Variants in FKBP5 observed in about 807,000 individuals in gnomAD.
FKBP5 encodes the protein peptidyl-prolyl cis-trans isomerase FKBP5.
FKBP5 carries 23 observed loss-of-function variants against 50.5 expected under a neutral mutation model. That is an observed-to-expected ratio of 0.46 (90% CI 0.33 to 0.65). The LOEUF is 0.65. Ranked by LOEUF, FKBP5 falls within the 30% of genes least tolerant of loss-of-function variation. FKBP5 has a pLI of 0.02. For missense variants in FKBP5, 411 were observed against 553.1 expected (o/e 0.74, Z 2.58); for synonymous variants, 176 against 190.6 (o/e 0.92, Z 0.63).
At chr6:35,705,213 AATATATATATAT>A (rs869253345) in intron 2 of FKBP5, among the ~76,000 whole-genome samples, 2,324 of 70,932 alleles carry the variant, frequency 0.033, 36 homozygotes, top group Non-Finnish European at 0.047. Flanking sequence ...TATATGTACA[AATATATATATAT>A]ATATATATAT....
intron 8 of FKBP5, chr6:35,585,711 G>C: frequency 3.1e-6 from 3 of 960,476 alleles, no homozygotes; most frequent in Non-Finnish European, 3.7e-6. Context: ...CCCACAGTAA[G>C]AAATATGCAA....
rs780355730 is a variant in FKBP5, at chr6:35,587,157, G to A, written c.757-40C>T. ...GTGACAATGGTTAGATGAACAGAGA[G>A]AAAAGCATCAGTTGAGGCCTATTGG... On this transcript the variant is annotated intron_variant, in intron 7 of 10. Coordinates refer to ENST00000357266, the MANE Select transcript of FKBP5 (RefSeq NM_004117.4). 17 of 1,578,888 alleles carry A rather than the reference G, an allele frequency of 1.1e-5. No individual in the cohort carries two copies. The South Asian group carries it at 1.6e-4, about 14-fold the overall frequency.
rs1294759674 is a variant in FKBP5 at position 35,575,856 on chromosome 6, C to T, written c.1353G>A (p.Glu451=). 9 of 1,613,808 alleles carry T rather than the reference C, an allele frequency of 5.6e-6. No individual in the cohort carries two copies. The highest frequency in any genetic ancestry group is 6.8e-6 in the Non-Finnish European group (8 of 1,179,678). ...GGCGTCATACGTGGCCCTCAGGTTT[C>T]TCTTCTTCCATTGCTTGACTGTCTG... ...KGTDSQAMEE[E]KPEGHV The change falls in exon 11 of 11, where the codon GAG becomes GAA. Residue 451 remains glutamate, a synonymous_variant. Coordinates refer to ENST00000357266, the MANE Select transcript of FKBP5 (RefSeq NM_004117.4).
intron 3 of FKBP5, among the ~76,000 whole-genome samples, chr6:35,621,231 T>C (rs1331890827): frequency 6.6e-6 from 1 of 152,244 alleles, no homozygotes; most frequent in Middle Eastern, 3.2e-3. Context: ...AATTGTAATC[T>C]CAATGTTTAT....
chr6:35,722,745 T>C (rs2151025154), intron 1 of FKBP5, among the ~76,000 whole-genome samples: 1 of 152,264 alleles, frequency 6.6e-6, no homozygotes, highest in South Asian at 2.1e-4. Context: ...AATTCCTCTC[T>C]CCCTGAACCT....
intron 1 of FKBP5, among the ~76,000 whole-genome samples, chr6:35,681,711 C>T (rs1437151832): frequency 6.6e-6 from 1 of 151,986 alleles, no homozygotes; most frequent in Non-Finnish European, 1.5e-5. Flanking sequence ...AAAAGTTTCG[C>T]ATATAAATAT....
At chr6:35,581,130 CTG>C (rs1762414507) in intron 8 of FKBP5, 2 of 974,466 alleles carry the variant, frequency 2.1e-6, no homozygotes, top group Non-Finnish European at 2.4e-6. Context: ...GGCCAGCAAA[CTG>C]TAGTTTGCTG....
chr6:35,583,745 A>G (rs1762514233), intron 8 of FKBP5: 2 of 975,188 alleles, frequency 2.1e-6, no homozygotes, highest in South Asian at 4.8e-5. Context: ...AAATGTTGAT[A>G]GTACTGAGGT....
chr6:35,583,720 G>T, intron 8 of FKBP5: 1 of 953,548 alleles, frequency 1.0e-6, no homozygotes, highest in Non-Finnish European at 1.2e-6. Flanking sequence ...ACACAATCAA[G>T]AATTATCCCA....
chr6:35,706,758 A>G (rs745329802), intron 2 of FKBP5, among the ~76,000 whole-genome samples: 21 of 152,224 alleles, frequency 1.4e-4, no homozygotes, highest in Non-Finnish European at 2.8e-4. Flanking sequence ...GCCAAACTAT[A>G]TATACAACGA....
rs564877556 is a variant in FKBP5, at chr6:35,649,025, A to G, written c.-19-6182T>C. Among the ~76,000 whole-genome samples the G allele has an allele frequency of 1.4e-3, 211 of 152,238 alleles. 2 individuals carry two copies. The highest frequency in any genetic ancestry group is 4.9e-3 in the African/African-American group (202 of 41,548). On this transcript the variant is annotated intron_variant, in intron 1 of 10. Coordinates refer to ENST00000357266, the MANE Select transcript of FKBP5 (RefSeq NM_004117.4). ...CCAGCACTTTGGGAGGCCAAGGCAG[A>G]CGGATCACAAAGTCAGGAGATCGAG...
chr6:35,639,259 T>C (rs1040752794), intron 2 of FKBP5, among the ~76,000 whole-genome samples: 2 of 152,198 alleles, frequency 1.3e-5, no homozygotes, highest in African/African-American at 2.4e-5. Context: ...ATTCTAATTT[T>C]ACAAACAGGA....
chr6:35,688,636 G>C (rs1276935991), intron 1 of FKBP5, 168 bp downstream of exon 1: 1 of 150,694 alleles, frequency 6.6e-6, no homozygotes, highest in Non-Finnish European at 1.5e-5. Context: ...CTCCCCTCGA[G>C]GCTTCCGGAC....
Position 35,710,236 on chromosome 6 carries a change from T to C in FKBP5, c.-20+10092A>G, listed in dbSNP as rs1766390496. Among the ~76,000 whole-genome samples the C allele has an allele frequency of 2.6e-5, 4 of 152,086 alleles. No individual in the cohort carries two copies. In the South Asian group the frequency reaches 8.3e-4, roughly 32 times the overall value. Reference sequence around the variant, plus strand: ...GTTCATGCCTGTAATCCCAGCTCTTTGGGAGGCTGAGGTAGGAGGATTGCT... The same window carrying C: ...GTTCATGCCTGTAATCCCAGCTCTTCGGGAGGCTGAGGTAGGAGGATTGCT... On this transcript the variant is annotated intron_variant, in intron 2 of 11. Coordinates refer to the FKBP5 transcript ENST00000536438.
At chr6:35,611,155 C>A (rs1763480043) in intron 5 of FKBP5, among the ~76,000 whole-genome samples, 1 of 152,190 alleles carries the variant, frequency 6.6e-6, no homozygotes, top group African/African-American at 2.4e-5. Context: ...GGTTCAACTT[C>A]ATCAACTTTA....
chr6:35,590,981 C>A, intron 7 of FKBP5, 149 bp downstream of exon 7: 2 of 491,534 alleles, frequency 4.1e-6, no homozygotes, highest in Non-Finnish European at 7.3e-6. Context: ...TTGTTCTATT[C>A]TTCAGCAGCA....
At position 35,662,449 on chromosome 6, in the gene FKBP5, ATT is replaced by A. The variant is rs11333201; in HGVS notation, c.-19-19608_-19-19607del. 5.2e-4 allele frequency among the ~76,000 whole-genome samples: 71 copies of A among 136,014 alleles called. 1 individual carries two copies. The highest frequency in any genetic ancestry group is 1.3e-3 in the African/African-American group (50 of 37,052). 89.2% of individuals were successfully genotyped at this position (136,014 alleles called of 152,430 possible). ...ACAACCACACCCAGCTAATTTTTTA[ATT>A]TTTTTTTTTTTTTGTAGAGACAAGG... On this transcript the variant is annotated intron_variant, in intron 1 of 10. Transcript: ENST00000357266.
At chr6:35,616,393 T>A (rs1763660819) in intron 5 of FKBP5, among the ~76,000 whole-genome samples, 2 of 151,034 alleles carry the variant, frequency 1.3e-5, no homozygotes, top group Non-Finnish European at 2.9e-5. Context: ...ACGACAGTAG[T>A]GTAGTAACTG....
intron 2 of FKBP5, among the ~76,000 whole-genome samples, chr6:35,708,281 G>A (rs1414998696): frequency 6.6e-6 from 1 of 152,130 alleles, no homozygotes; most frequent in Non-Finnish European, 1.5e-5. Context: ...TTGGGACAGA[G>A]TCTCCCTCTG....
Sources: gnomAD v4.1 joint callset for allele counts (sites outside exome capture counted in the v4.1 genomes callset) on GRCh38, gnomAD v4.1.1 for gene constraint, MANE v1.5 for transcripts, NCBI Gene and HGNC (gene_info 2026-07-23, HGNC 2026-07-21) for gene names.